Variants in CELF2 observed in about 807,000 individuals in gnomAD.
CELF2 encodes CUG triplet repeat RNA-binding protein 2.
In CELF2, 8 loss-of-function variants were observed where a neutral mutation model predicts 62.6. The ratio of observed to expected loss-of-function variants is 0.13; its 90% confidence interval spans 0.07 to 0.23. The LOEUF is 0.23. Ranked by LOEUF, CELF2 falls within the 10% of genes least tolerant of loss-of-function variation. The probability of loss-of-function intolerance (pLI) is 1.00; values close to 1 mark genes in which losing one functional copy is unlikely to be tolerated. For synonymous variants in CELF2, 258 were observed against 250.0 expected (o/e 1.03, Z -0.30); for missense variants, 333 against 671.0 (o/e 0.50, Z 5.56).
At chr10:11,113,698 A>T (rs1379487223) in intron 1 of CELF2, among the ~76,000 whole-genome samples, 1 of 152,186 alleles carries the variant, frequency 6.6e-6, no homozygotes, top group East Asian at 1.9e-4. Flanking sequence ...AGAATCCCTT[A>T]TTAAATACGA....
intron 2 of CELF2, among the ~76,000 whole-genome samples, chr10:10,971,957 A>G (rs2050800202): frequency 6.6e-6 from 1 of 152,196 alleles, no homozygotes; most frequent in Admixed American, 6.5e-5. Flanking sequence ...AAATAGGTAT[A>G]TAATTAAGGT....
the CELF2 span, among the ~76,000 whole-genome samples, chr10:10,753,437 G>A: frequency 6.6e-6 from 1 of 152,034 alleles, no homozygotes; most frequent in Non-Finnish European, 1.5e-5. Flanking sequence ...AAAGTTGCAA[G>A]CATTCCACCA....
At chr10:10,466,790 C>G in the CELF2 span, among the ~76,000 whole-genome samples, 1 of 152,054 alleles carries the variant, frequency 6.6e-6, no homozygotes, top group East Asian at 1.9e-4. Context: ...AATAAACCTT[C>G]CCTGAAATTG....
intron 1 of CELF2, among the ~76,000 whole-genome samples, chr10:11,103,706 A>C (rs2052544911): frequency 6.6e-6 from 1 of 152,086 alleles, no homozygotes; most frequent in Admixed American, 6.5e-5. Context: ...GGTATTGGTT[A>C]TATTTGTCCT....
the CELF2 span, among the ~76,000 whole-genome samples, chr10:10,468,164 A>G: frequency 6.6e-6 from 1 of 152,034 alleles, no homozygotes; most frequent in Non-Finnish European, 1.5e-5. Flanking sequence ...AATGAGCAGG[A>G]GCATTGTTTT....
chr10:10,482,097 G>A, the CELF2 span, among the ~76,000 whole-genome samples: 26 of 152,282 alleles, frequency 1.7e-4, no homozygotes, highest in East Asian at 9.6e-4. Flanking sequence ...TACACTCTGC[G>A]TCTGTGAGAA....
intron 1 of CELF2, among the ~76,000 whole-genome samples, chr10:11,134,531 T>C (rs938647654): frequency 6.6e-6 from 1 of 152,196 alleles, no homozygotes; most frequent in African/African-American, 2.4e-5. Flanking sequence ...CTTCCAGTGC[T>C]GATTGTCCTC....
chr10:10,789,741 T>C, the CELF2 span, among the ~76,000 whole-genome samples: 3 of 152,282 alleles, frequency 2.0e-5, no homozygotes, highest in East Asian at 5.8e-4. Context: ...CATTGTTTCA[T>C]TTGAATTTCT....
At chr10:10,753,299 C>CTGTGTGTGTGTGTG in the CELF2 span, among the ~76,000 whole-genome samples, 302 of 149,904 alleles carry the variant, frequency 2.0e-3, no homozygotes, top group African/African-American at 6.8e-3. Context: ...TTCCAAAGCT[C>CTGTGTGTGTGTGTG]TGTGTGTGTG....
At position 11,115,239 on chromosome 10, in the gene CELF2, T is replaced by C. The variant is rs190146151; in HGVS notation, c.75-50247T>C. ...GTTTGATTGGTAACACTGATTCAAA[T>C]GTAGTCATAAGACTCACAGTAATAG... is the stretch of plus-strand genomic sequence containing the variant. On this transcript the variant is annotated intron_variant, in intron 1 of 12. Coordinates refer to ENST00000633077, the MANE Select transcript of CELF2 (RefSeq NM_001326342.2). 3.9e-4 allele frequency among the ~76,000 whole-genome samples: 60 copies of C among 152,352 alleles called. 2 individuals carry two copies. In the Middle Eastern group the frequency reaches 0.027, roughly 69 times the overall value.
intron 5 of CELF2, among the ~76,000 whole-genome samples, chr10:11,261,746 CA>C (rs2080685545): frequency 6.6e-6 from 1 of 152,256 alleles, no homozygotes; most frequent in Non-Finnish European, 1.5e-5. Flanking sequence ...CCTTCTGCAG[CA>C]GCTGCTCAGC....
intron 2 of CELF2, among the ~76,000 whole-genome samples, chr10:10,991,731 A>C (rs1247844440): frequency 6.6e-6 from 1 of 152,146 alleles, no homozygotes; most frequent in African/African-American, 2.4e-5. Flanking sequence ...GAGGGAAGGA[A>C]ATGCTCTTCA....
chr10:10,963,465 G>A (rs1183091422), intron 2 of CELF2, among the ~76,000 whole-genome samples: 1 of 152,134 alleles, frequency 6.6e-6, no homozygotes, highest in Non-Finnish European at 1.5e-5. Context: ...TCTCACCACT[G>A]ACGGTTAGAG....
the CELF2 span, among the ~76,000 whole-genome samples, chr10:10,661,571 A>G: frequency 6.6e-6 from 1 of 152,238 alleles, no homozygotes; most frequent in South Asian, 2.1e-4. Context: ...AAATGTTGTA[A>G]ACACCTATCT....
At chr10:11,235,456 A>T (rs373974474) in intron 3 of CELF2, among the ~76,000 whole-genome samples, 53 of 152,368 alleles carry the variant, frequency 3.5e-4, no homozygotes, top group Middle Eastern at 3.4e-3. Flanking sequence ...AAGCATATTT[A>T]TAGAACAATT....
intron 1 of CELF2, among the ~76,000 whole-genome samples, chr10:11,158,910 T>A (rs2146481): frequency 0.1 from 15,967 of 152,278 alleles, 1,107 homozygotes; most frequent in African/African-American, 0.19. Context: ...AAGAAACTAT[T>A]TTTTTAATTT....
the CELF2 span, among the ~76,000 whole-genome samples, chr10:10,729,248 A>G: frequency 6.6e-6 from 1 of 152,356 alleles, no homozygotes; most frequent in East Asian, 1.9e-4. Context: ...GCCCTTTATT[A>G]AACAGGCAAA....
chr10:10,477,983 T>C, the CELF2 span, among the ~76,000 whole-genome samples: 1 of 152,188 alleles, frequency 6.6e-6, no homozygotes, highest in Non-Finnish European at 1.5e-5. Flanking sequence ...AGATATGAGA[T>C]TATCCCTGAG....
intron 1 of CELF2, among the ~76,000 whole-genome samples, chr10:11,022,578 G>A (rs1418293680): frequency 6.6e-6 from 1 of 151,522 alleles, no homozygotes; most frequent in African/African-American, 2.4e-5. Flanking sequence ...CACTGTATTT[G>A]GCCTCTGGTA....
Sources: gnomAD v4.1 joint callset for allele counts (sites outside exome capture counted in the v4.1 genomes callset) on GRCh38, gnomAD v4.1.1 for gene constraint, MANE v1.5 for transcripts, NCBI Gene and HGNC (gene_info 2026-07-23, HGNC 2026-07-21) for gene names.